The following ZNF827 variants were observed in gnomAD, a reference collection of about 807,000 sequenced individuals.
ZNF827 encodes the protein zinc finger protein 827.
In ZNF827, 13 loss-of-function variants were observed where a neutral mutation model predicts 102.4. The ratio of observed to expected loss-of-function variants is 0.13; its 90% confidence interval spans 0.08 to 0.20. The LOEUF (loss-of-function observed/expected upper bound fraction) is 0.20. Among genes scored for constraint, ZNF827 ranks in the 10% least tolerant of loss-of-function variants. The probability of loss-of-function intolerance (pLI) is 1.00; values close to 1 mark genes in which losing one functional copy is unlikely to be tolerated. For synonymous variants in ZNF827, 523 were observed against 536.2 expected (o/e 0.98, Z 0.34); for missense variants, 1,103 against 1,344.4 (o/e 0.82, Z 2.81).
At chr4:145,905,071 T>C (rs1354471593) in intron 1 of ZNF827, among the ~76,000 whole-genome samples, 3 of 152,240 alleles carry the variant, frequency 2.0e-5, no homozygotes, top group Non-Finnish European at 1.5e-5. Flanking sequence ...TTTGTTTACA[T>C]TGGTTTTATA....
chr4:145,790,342 C>G (rs1739495161), intron 8 of ZNF827, among the ~76,000 whole-genome samples: 1 of 152,022 alleles, frequency 6.6e-6, no homozygotes, highest in African/African-American at 2.4e-5. Flanking sequence ...AAGGAATAAA[C>G]TAAATGAAAA....
In ZNF827 at chr4:145,902,917, G is replaced by A. The variant is rs199600755; in HGVS notation, c.342C>T (p.Gly114=). The change falls in exon 2 of 15, where the codon GGC becomes GGT. Residue 114 remains glycine (G), a synonymous_variant. Transcript: ENST00000508784. The surrounding 1 kb of genome is among the most constrained non-coding windows in gnomAD (Gnocchi z 4.3). ...AATTGCTGCTCAGGGGCTTGTTGGA[G>A]CCTGGGTCATCGTCACACAAAGAAG... is the stretch of plus-strand genomic sequence containing the variant. ...GVSSLCDDDP[G]SNKPLSSNLR... 11 of 1,614,180 alleles carry A rather than the reference G, an allele frequency of 6.8e-6. No individual in the cohort carries two copies. The African/African-American group carries it at 8.0e-5, about 12-fold the overall frequency.
intron 6 of ZNF827, among the ~76,000 whole-genome samples, chr4:145,846,713 A>C (rs1271251940): frequency 7.3e-6 from 1 of 136,222 alleles, no homozygotes; most frequent in African/African-American, 2.9e-5. Context: ...GCTACTTGGG[A>C]GGCTGAGGCA....
chr4:145,861,689 C>T (rs1184085255), intron 5 of ZNF827, among the ~76,000 whole-genome samples: 2 of 152,060 alleles, frequency 1.3e-5, no homozygotes, highest in Non-Finnish European at 2.9e-5. Context: ...TCAGCACGCC[C>T]CCACCCCAGA....
intron 8 of ZNF827, among the ~76,000 whole-genome samples, chr4:145,811,033 C>T (rs1475637736): frequency 1.3e-5 from 2 of 151,462 alleles, no homozygotes; most frequent in African/African-American, 2.4e-5. Context: ...ACTCTGTTGC[C>T]CAGGCTGGAG....
intron 1 of ZNF827, among the ~76,000 whole-genome samples, chr4:145,937,434 C>A (rs1754276381): frequency 6.6e-6 from 1 of 151,710 alleles, no homozygotes; most frequent in Non-Finnish European, 1.5e-5. Flanking sequence ...AGGAGCCCTG[C>A]TCCTCCCTCT....
At chr4:145,931,175 A>T (rs961024952) in intron 1 of ZNF827, among the ~76,000 whole-genome samples, 1 of 152,256 alleles carries the variant, frequency 6.6e-6, no homozygotes, top group Non-Finnish European at 1.5e-5. Context: ...AAGTACTCTT[A>T]GCTATTTCTA....
intron 9 of ZNF827, among the ~76,000 whole-genome samples, chr4:145,777,967 A>G (rs1445447868): frequency 1.3e-5 from 2 of 152,044 alleles, no homozygotes; most frequent in Non-Finnish European, 2.9e-5. Context: ...TTAAAATTTC[A>G]TTTAAGTATG....
At chr4:145,813,651 G>A (rs940758693) in intron 8 of ZNF827, among the ~76,000 whole-genome samples, 5 of 152,284 alleles carry the variant, frequency 3.3e-5, no homozygotes, top group South Asian at 4.1e-4. Flanking sequence ...AAACAGACCC[G>A]TATTATAATC....
At position 145,870,483 on chromosome 4, in the gene ZNF827, C is replaced by T. The variant is rs1748586089; in HGVS notation, c.1748-5G>A. ...TGGGCTCCTTCTGATTTGCAGCTGT[C>T]AAAAGAAAAAAAGGGATTATATATA... On this transcript the variant is annotated splice_polypyrimidine_tract_variant and splice_region_variant and intron_variant, in intron 4 of 14. Coordinates refer to ENST00000508784, the MANE Select transcript of ZNF827 (RefSeq NM_001306215.2). 6.3e-7 allele frequency: 1 copy of T among 1,593,664 alleles called. No individual in the cohort carries two copies.
intron 8 of ZNF827, among the ~76,000 whole-genome samples, chr4:145,797,266 CCTCTGT>C (rs1249941181): frequency 6.6e-6 from 1 of 152,142 alleles, no homozygotes; most frequent in Non-Finnish European, 1.5e-5. Flanking sequence ...AACTTGGGTT[CCTCTGT>C]GTAGGACAGA....
chr4:145,821,869 C>T (rs1404933132), intron 8 of ZNF827, among the ~76,000 whole-genome samples: 1 of 152,146 alleles, frequency 6.6e-6, no homozygotes, highest in Admixed American at 6.5e-5. Flanking sequence ...GACCAATAAA[C>T]CCTGCTTTAA....
In ZNF827 at chr4:145,763,499, G is replaced by A. The variant is rs765200681; in HGVS notation, c.3231-377C>T. On this transcript the variant is annotated intron_variant, in intron 13 of 14. Transcript: ENST00000508784. This position sits in a 1 kb window ranked among gnomAD's most constrained non-coding sequence, Gnocchi z 4.6. ...ACACAGGGGACGGTTAGCACCGCAC[G>A]GGAAGTGTCTGTACCAGCAAAAGCA... 5.3e-5 allele frequency among the ~76,000 whole-genome samples: 8 copies of A among 152,218 alleles called. No homozygotes were observed. Among genetic ancestry groups the A allele is most frequent in the Non-Finnish European group, 1.2e-4 (8 of 68,048 alleles).
At position 145,837,891 on chromosome 4, in the gene ZNF827, A is replaced by C. The variant is rs537381995; in HGVS notation, c.2279+8065T>G. Among the ~76,000 whole-genome samples the C allele has an allele frequency of 3.9e-5, 6 of 152,194 alleles. No homozygotes were observed. In the East Asian group the frequency reaches 1.2e-3, roughly 29 times the overall value. Reference sequence around the variant, plus strand: ...CCCTTACAAGACCTCCCTTCAGCTTAATCTCTCCCACTCTAGGTTCCCACG... The same window carrying C: ...CCCTTACAAGACCTCCCTTCAGCTTCATCTCTCCCACTCTAGGTTCCCACG... On this transcript the variant is annotated intron_variant, in intron 7 of 14. Transcript: ENST00000508784.
At chr4:145,815,354 G>A (rs1472507126) in intron 8 of ZNF827, among the ~76,000 whole-genome samples, 1 of 152,158 alleles carries the variant, frequency 6.6e-6, no homozygotes, top group Non-Finnish European at 1.5e-5. Context: ...GAAAAGCTAA[G>A]TATCTTGCTA....
chr4:145,773,674 G>T (rs1736618625), intron 11 of ZNF827, among the ~76,000 whole-genome samples: 1 of 152,256 alleles, frequency 6.6e-6, no homozygotes, highest in African/African-American at 2.4e-5. Context: ...ATAAATGGAA[G>T]AAGTTAACCA....
At chr4:145,863,105 C>T (rs1192249436) in intron 5 of ZNF827, among the ~76,000 whole-genome samples, 2 of 152,122 alleles carry the variant, frequency 1.3e-5, no homozygotes, top group African/African-American at 4.8e-5. Flanking sequence ...AGACACTTCT[C>T]CAAAGAGGAT....
At chr4:145,778,351 C>T (rs1319502071) in intron 9 of ZNF827, among the ~76,000 whole-genome samples, 2 of 152,214 alleles carry the variant, frequency 1.3e-5, no homozygotes, top group Non-Finnish European at 2.9e-5. Context: ...CCAGGCTGGT[C>T]TCAAACTCCT....
intron 1 of ZNF827, among the ~76,000 whole-genome samples, chr4:145,924,861 T>C (rs979140915): frequency 6.6e-6 from 1 of 152,216 alleles, no homozygotes; most frequent in Non-Finnish European, 1.5e-5. Flanking sequence ...TCCCTTATCT[T>C]AGTGTCTCTC....
Sources: gnomAD v4.1 joint callset for allele counts (sites outside exome capture counted in the v4.1 genomes callset) on GRCh38, gnomAD v4.1.1 for gene constraint, Gnocchi (gnomAD v3.1) non-coding constraint, MANE v1.5 for transcripts, NCBI Gene and HGNC (gene_info 2026-07-23, HGNC 2026-07-21) for gene names.